Variants in TTLL5 observed in about 807,000 individuals in gnomAD.
TTLL5 encodes the protein tubulin tyrosine ligase like 5.
Under a neutral mutation model 168.4 loss-of-function variants are expected in TTLL5, and 132 were observed. The ratio of observed to expected loss-of-function variants is 0.78; its 90% CI spans 0.68 to 0.91. TTLL5 has a LOEUF of 0.91. TTLL5 is among the 40% of genes least tolerant of loss of function. The pLI is 0.00. For synonymous variants in TTLL5, 546 were observed against 558.6 expected (o/e 0.98, Z 0.32); for missense variants, 1,545 against 1,581.5 (o/e 0.98, Z 0.39).
In TTLL5 at chr14:75,720,614, A is replaced by G. The variant is rs1791274425; in HGVS notation, c.953A>G (p.Glu318Gly). Residue 318 changes from glutamate (E) to glycine (G), a missense_variant, in exon 12 of 32, where the codon GAA becomes GGA. Transcript: ENST00000298832. ...RDTTALMAHV[E>G]DLIIKTIISA... The stretch of plus-strand genomic sequence containing the variant: ...TTTGCAGCATTGATGGCCCATGTAG[A>G]AGACCTGATCATTAAGACTATAATC... 1 of 1,613,428 alleles carries G rather than the reference A, an allele frequency of 6.2e-7. No homozygotes were observed. Among genetic ancestry groups the G allele is most frequent in the African/African-American group, 1.3e-5 (1 of 74,882 alleles).
Position 75,699,359 on chromosome 14 carries a change from A to T in TTLL5, c.585+89A>T. 4.3e-6 allele frequency: 5 copies of T among 1,167,976 alleles called. No homozygotes were observed. In the East Asian group the frequency reaches 1.2e-4, roughly 28 times the overall value. The allele number at this position is 1,167,976 out of a possible 1,614,324, so 72.4% of individuals were successfully genotyped here. The stretch of plus-strand genomic sequence containing the variant: ...TTGGTTACTAATATAGTTCCATTTC[A>T]TTAAGAGCAGGTGTGCTCTTCTTAA... On this transcript the variant is annotated intron_variant, in intron 7 of 31. Transcript: ENST00000298832.
chr14:75,673,668 C>T (rs1043272480), intron 3 of TTLL5, among the ~76,000 whole-genome samples: 10 of 152,194 alleles, frequency 6.6e-5, no homozygotes, highest in African/African-American at 2.2e-4. Context: ...AGTAGGCGCT[C>T]AAAACTTGTG....
chr14:75,898,311 A>G (rs1215141632), intron 30 of TTLL5, among the ~76,000 whole-genome samples: 3 of 152,146 alleles, frequency 2.0e-5, no homozygotes, highest in Non-Finnish European at 2.9e-5. Context: ...TCTTATAGCA[A>G]GGGCATCCCA....
intron 18 of TTLL5, among the ~76,000 whole-genome samples, chr14:75,754,117 C>A (rs1306690453): frequency 2.0e-5 from 3 of 152,048 alleles, no homozygotes; most frequent in Non-Finnish European, 4.4e-5. Flanking sequence ...AATCTTCAAC[C>A]ATATCTATAT....
intron 15 of TTLL5, among the ~76,000 whole-genome samples, chr14:75,736,582 A>G (rs1057136330): frequency 1.3e-5 from 2 of 152,224 alleles, no homozygotes; most frequent in African/African-American, 2.4e-5. Context: ...ACTATCAGGC[A>G]TAAGTGTGGG....
At chr14:75,773,927 T>TATATAGAGAGAGAG (rs1354936334) in intron 21 of TTLL5, among the ~76,000 whole-genome samples, 4 of 21,124 alleles carry the variant, frequency 1.9e-4, no homozygotes, top group African/African-American at 5.9e-4. Flanking sequence ...TATATATATA[T>TATATAGAGAGAGAG]AGAGAGAGAG....
At chr14:75,674,541 G>A (rs1883994132) in intron 3 of TTLL5, among the ~76,000 whole-genome samples, 1 of 152,022 alleles carries the variant, frequency 6.6e-6, no homozygotes, top group Non-Finnish European at 1.5e-5. Flanking sequence ...ATGATTTCTC[G>A]TGTTTTATTT....
At chr14:75,714,721 C>A (rs572105311) in intron 9 of TTLL5, among the ~76,000 whole-genome samples, 174 of 152,304 alleles carry the variant, frequency 1.1e-3, no homozygotes, top group Non-Finnish European at 1.9e-3. Context: ...CAAGATGTTT[C>A]AGGCTCATCT....
intron 12 of TTLL5, among the ~76,000 whole-genome samples, chr14:75,730,277 G>C (rs983391335): frequency 1.3e-5 from 2 of 152,016 alleles, no homozygotes; most frequent in Non-Finnish European, 2.9e-5. Context: ...AGGTTAAAGG[G>C]GCAATATTCT....
At chr14:75,713,272 CTA>C (rs961553805) in intron 9 of TTLL5, among the ~76,000 whole-genome samples, 2 of 152,174 alleles carry the variant, frequency 1.3e-5, no homozygotes, top group Non-Finnish European at 2.9e-5. Flanking sequence ...ATTACTTTTT[CTA>C]TGTTTAGATA....
chr14:75,840,245 T>C (rs922339396), intron 28 of TTLL5, among the ~76,000 whole-genome samples: 1 of 152,204 alleles, frequency 6.6e-6, no homozygotes, highest in Admixed American at 6.5e-5. Context: ...TATATATGTA[T>C]ACTTCAAGTT....
rs567269087 is a variant in TTLL5, at chr14:75,683,627, T to G, written c.342T>G (p.Ser114=). Residue 114 remains serine (S), a synonymous_variant, in exon 5 of 32, where the codon TCT becomes TCG. Transcript: ENST00000298832. ...HLKPFLLRTL[S]EAQKVNHFPR... is the part of the protein sequence containing the mutation. ...AGCCCTTCTTACTGCGCACCCTCTCTGAAGCACAAAAAGTTAATCACTTTC... is the reference window on the plus strand; with the variant it reads ...AGCCCTTCTTACTGCGCACCCTCTCGGAAGCACAAAAAGTTAATCACTTTC... 4 of 1,614,044 alleles carry G rather than the reference T, an allele frequency of 2.5e-6. No homozygotes were observed. The Admixed American group carries it at 6.7e-5, about 27-fold the overall frequency.
Position 75,683,620 on chromosome 14 carries a change from C to A in TTLL5, c.335C>A (p.Thr112Asn), listed in dbSNP as rs550842088. Residue 112 changes from threonine to asparagine, a missense_variant, in exon 5 of 32, where the codon ACC (threonine) becomes AAC (asparagine). Transcript: ENST00000298832. The part of the protein sequence containing the change: ...GSHLKPFLLR[T>N]LSEAQKVNHF... ...CACCTGAAGCCCTTCTTACTGCGCA[C>A]CCTCTCTGAAGCACAAAAAGTTAAT... The A allele has an allele frequency of 3.7e-6, 6 of 1,614,056 alleles. No homozygotes were observed. The South Asian group carries it at 6.6e-5, about 18-fold the overall frequency.
At chr14:75,947,939 C>A (rs78822691) in intron 31 of TTLL5, among the ~76,000 whole-genome samples, 51 of 143,228 alleles carry the variant, frequency 3.6e-4, no homozygotes, top group Non-Finnish European at 3.2e-4. Flanking sequence ...GACCCTGTCT[C>A]AAAAAAAAAA....
At chr14:75,927,511 A>G (rs1566664342) in intron 31 of TTLL5, among the ~76,000 whole-genome samples, 1 of 152,172 alleles carries the variant, frequency 6.6e-6, no homozygotes, top group Non-Finnish European at 1.5e-5. Flanking sequence ...GCCCTTCAAC[A>G]TAAGCAAATT....
At position 75,745,175 on chromosome 14, in the gene TTLL5, G is replaced by A. The variant is rs767007950; in HGVS notation, c.1362G>A (p.Leu454=). The change falls in exon 16 of 32, where the codon TTG becomes TTA. Residue 454 remains leucine (L), a synonymous_variant. Transcript: ENST00000298832. ...GSAREKGPGK[L]GGSVLGLSME... is the part of the protein sequence containing the mutation. ...CCCGGGAGAAAGGGCCAGGGAAGTT[G>A]GGTGGTTCTGTGCTTGGTCTGTCAA... The A allele has an allele frequency of 1.2e-6, 2 of 1,613,942 alleles. No individual in the cohort carries two copies. The highest frequency in any genetic ancestry group is 2.2e-5 in the South Asian group (2 of 91,064).
rs147593414 is a variant in TTLL5 at position 75,719,826 on chromosome 14, G to A, written c.934G>A (p.Ala312Thr). The change falls in exon 11 of 32, where the codon GCA becomes ACA. Residue 312 changes from alanine to threonine, a missense_variant and splice_region_variant. Ala to Thr is a moderately conservative substitution (Grantham distance 58). Coordinates refer to ENST00000298832, the MANE Select transcript of TTLL5 (RefSeq NM_015072.5). ...GAAACAAGAAGGCAGAGATACAACCGGTGAGTACTGGGCCTTTTTCCTTCT... is the reference window on the plus strand; with the variant it reads ...GAAACAAGAAGGCAGAGATACAACCAGTGAGTACTGGGCCTTTTTCCTTCT... ...YLKQEGRDTT[A>T]LMAHVEDLII... The A allele has an allele frequency of 3.2e-5, 51 of 1,613,434 alleles. No individual in the cohort carries two copies. The highest frequency in any genetic ancestry group is 2.1e-4 in the South Asian group (19 of 91,064).
Position 75,669,479 on chromosome 14 carries a change from C to T in TTLL5, c.138C>T (p.Ala46=), listed in dbSNP as rs570513349. Residue 46 remains alanine, a synonymous_variant, in exon 3 of 32, where the codon GCC becomes GCT. Transcript: ENST00000298832. ...CRRIPVLVFH[A]DAILTKDNNI... is the part of the protein sequence containing the mutation. ...GAATTCCAGTTTTGGTATTCCATGC[C>T]GACGCTATTCTTACAAAGGACAACA... 45 of 1,614,002 alleles carry T rather than the reference C, an allele frequency of 2.8e-5. 1 individual carries two copies. Among genetic ancestry groups the T allele is most frequent in the East Asian group, 1.6e-4 (7 of 44,872 alleles).
chr14:75,896,309 TTTTTG>T (rs1006186097), intron 30 of TTLL5, among the ~76,000 whole-genome samples: 6 of 152,122 alleles, frequency 3.9e-5, no homozygotes, highest in Non-Finnish European at 8.8e-5. Context: ...GGGTATGTAT[TTTTTG>T]TTTTGTTTTG....
Sources: gnomAD v4.1 joint callset for allele counts (sites outside exome capture counted in the v4.1 genomes callset) on GRCh38, gnomAD v4.1.1 for gene constraint, MANE v1.5 for transcripts, NCBI Gene and HGNC (gene_info 2026-07-23, HGNC 2026-07-21) for gene names.